FAM89A: variants seen among roughly 807,000 people sequenced by gnomAD.
FAM89A encodes the protein family with sequence similarity 89 member A, also known as protein FAM89A.
FAM89A carries 10 observed loss-of-function variants against 7.1 expected under a neutral mutation model. That is an observed-to-expected ratio of 1.40 (90% confidence interval 0.86 to 2.38). FAM89A has a LOEUF of 2.38. FAM89A is among the 30% of genes most tolerant of loss of function. The pLI, the probability that FAM89A is intolerant of heterozygous loss-of-function variation, is 0.00. For missense variants in FAM89A, 276 were observed against 262.8 expected, an observed-to-expected ratio of 1.05 and a Z score of -0.35; for synonymous variants, 157 against 129.3, an observed-to-expected ratio of 1.21 and a Z score of -1.45.
chr1:231,019,828 G>C lies in FAM89A; in HGVS notation c.*35C>G. ...ATGATGACAGCGTGTCCAGTAGGAA[G>C]GGCTTCCCAACAGTCACATCCCTCC... is the stretch of plus-strand genomic sequence containing the variant. On this transcript the variant is annotated 3_prime_UTR_variant, in exon 2 of 2. Coordinates refer to ENST00000366654, the MANE Select transcript of FAM89A (RefSeq NM_198552.3). The C allele has an allele frequency of 6.3e-7, 1 of 1,596,652 alleles. No individual in the cohort carries two copies. The highest frequency in any genetic ancestry group is 1.1e-5 in the South Asian group (1 of 89,750).
Position 231,040,253 on chromosome 1 carries a change from C to T in FAM89A, c.-42G>A. Reference sequence around the variant, plus strand: ...CACGCGCCTGCCCCGCTGCAGCGAACCAAGGCTTTCCCCCGGCCCGCCCCC... The same window carrying T: ...CACGCGCCTGCCCCGCTGCAGCGAATCAAGGCTTTCCCCCGGCCCGCCCCC... On this transcript the variant is annotated 5_prime_UTR_variant, in exon 1 of 2. Coordinates refer to ENST00000366654, the MANE Select transcript of FAM89A (RefSeq NM_198552.3). 2.9e-6 allele frequency: 3 copies of T among 1,022,976 alleles called. No homozygotes were observed. The highest frequency in any genetic ancestry group is 9.7e-5 in the East Asian group (1 of 10,292). 63.4% of individuals were successfully genotyped at this position (1,022,976 alleles called of 1,614,324 possible).
In FAM89A at chr1:231,019,216, T is replaced by C. The variant is rs1421045818; in HGVS notation, c.*647A>G. On this transcript the variant is annotated 3_prime_UTR_variant, in exon 2 of 2. Coordinates refer to ENST00000366654, the MANE Select transcript of FAM89A (RefSeq NM_198552.3). ...CTATTCAACATGTCTTCGTATTATCTTCCTTCCTCTCGTATCTGATAGACA... is the reference window on the plus strand; with the variant it reads ...CTATTCAACATGTCTTCGTATTATCCTCCTTCCTCTCGTATCTGATAGACA... 1 of 151,818 alleles carries C rather than the reference T, an allele frequency of 6.6e-6. No individual in the cohort carries two copies. Among genetic ancestry groups the C allele is most frequent in the East Asian group, 1.9e-4 (1 of 5,176 alleles). The allele number at this position is 151,818 out of a possible 1,614,324, so 9.4% of individuals were successfully genotyped here. A position where few individuals can be genotyped will look rare whatever the true frequency, so the allele number is the denominator to read the frequency against.
At chr1:231,028,887 G>A (rs1572356244) in intron 1 of FAM89A, among the ~76,000 whole-genome samples, 1 of 152,210 alleles carries the variant, frequency 6.6e-6, no homozygotes, top group African/African-American at 2.4e-5. Flanking sequence ...CCAACAATGG[G>A]GCCAAACAAG....
chr1:231,022,789 C>T (rs1679902877), intron 1 of FAM89A, among the ~76,000 whole-genome samples: 2 of 152,156 alleles, frequency 1.3e-5, no homozygotes, highest in South Asian at 4.1e-4. Flanking sequence ...TGAAAAAGTG[C>T]AATAAAGGCC....
intron 1 of FAM89A, chr1:231,021,816 T>C (rs1679884269): frequency 6.2e-7 from 1 of 1,601,944 alleles, no homozygotes; most frequent in Non-Finnish European, 8.5e-7. Context: ...TCTGTTGTGA[T>C]TGTTGACAAA....
rs993958265 is a variant in FAM89A, at chr1:231,019,764, G to A, written c.*99C>T. On this transcript the variant is annotated 3_prime_UTR_variant, in exon 2 of 2. Transcript: ENST00000366654. ...CGCTCATCCCCTGTGCCCGAGGACCGTCCACAACGGAGGTGCTTTCTTGCA... is the reference window on the plus strand; with the variant it reads ...CGCTCATCCCCTGTGCCCGAGGACCATCCACAACGGAGGTGCTTTCTTGCA... 2.7e-5 allele frequency: 38 copies of A among 1,383,300 alleles called. No homozygotes were observed. Among genetic ancestry groups the A allele is most frequent in the East Asian group, 2.6e-4 (11 of 42,610 alleles). The allele number at this position is 1,383,300 out of a possible 1,614,324, so 85.7% of individuals were successfully genotyped here. A position where few individuals can be genotyped will look rare whatever the true frequency, so the allele number is the denominator to read the frequency against.
chr1:231,039,988 CGG>C lies in FAM89A; in HGVS notation c.222_223del (p.Arg75GlyfsTer69). The C allele has an allele frequency of 7.2e-7, 1 of 1,380,972 alleles. No homozygotes were observed. Among genetic ancestry groups the C allele is most frequent in the East Asian group, 3.1e-5 (1 of 32,488 alleles). The allele number at this position is 1,380,972 out of a possible 1,614,324, so 85.5% of individuals were successfully genotyped here. A position where few individuals can be genotyped will look rare whatever the true frequency, so the allele number is the denominator to read the frequency against. On this transcript the variant is annotated frameshift_variant, in exon 1 of 2. Coordinates refer to ENST00000366654, the MANE Select transcript of FAM89A (RefSeq NM_198552.3). LOFTEE classifies it high-confidence loss of function. ...AGGCTTGGCGGGCAGCGCTGCCGCCCGGGCCCCGCCGCCGCCCGGGCCCCCGC... is the reference window on the plus strand; with the variant it reads ...AGGCTTGGCGGGCAGCGCTGCCGCCCGCCCCGCCGCCGCCCGGGCCCCCGC...
At chr1:231,037,916 T>C (rs1680185501) in intron 1 of FAM89A, among the ~76,000 whole-genome samples, 1 of 152,204 alleles carries the variant, frequency 6.6e-6, no homozygotes, top group East Asian at 1.9e-4. Context: ...CATCTAGTTA[T>C]GTCCCCTGCC....
At chr1:231,031,915 C>T (rs1048061845) in intron 1 of FAM89A, among the ~76,000 whole-genome samples, 6 of 152,136 alleles carry the variant, frequency 3.9e-5, no homozygotes, top group Non-Finnish European at 7.3e-5. Context: ...CTGTAAGGTA[C>T]ACTTGTGAAT....
intron 1 of FAM89A, among the ~76,000 whole-genome samples, chr1:231,032,417 G>A (rs1188531580): frequency 2.6e-5 from 3 of 115,298 alleles, no homozygotes; most frequent in Admixed American, 1.2e-4. Context: ...CAATGCATGA[G>A]AAGGTTTACT....
intron 1 of FAM89A, among the ~76,000 whole-genome samples, chr1:231,020,513 ATTGGCC>A (rs1055004854): frequency 6.6e-6 from 1 of 152,162 alleles, no homozygotes; most frequent in African/African-American, 2.4e-5. Flanking sequence ...GAAGACCCAC[ATTGGCC>A]TTCCCTGCTA....
intron 1 of FAM89A, among the ~76,000 whole-genome samples, chr1:231,024,798 A>G (rs1227401120): frequency 6.6e-6 from 1 of 151,986 alleles, no homozygotes; most frequent in Non-Finnish European, 1.5e-5. Flanking sequence ...TTGGCCTCCC[A>G]AAGTGCTGGT....
intron 1 of FAM89A, chr1:231,021,999 T>C: frequency 7.5e-7 from 1 of 1,336,912 alleles, no homozygotes; most frequent in Non-Finnish European, 1.1e-6. Context: ...TCGGGTACTG[T>C]CGGTTGTCCT....
At position 231,022,202 on chromosome 1, in the gene FAM89A, GGA is replaced by G. The variant is rs551185752; in HGVS notation, c.292-2078_292-2077del. The G allele has an allele frequency of 5.3e-4, 516 of 971,480 alleles. 5 individuals are homozygous for G. The South Asian group carries it at 5.9e-3, about 11-fold the overall frequency. The allele number at this position is 971,480 out of a possible 1,614,324, so 60.2% of individuals were successfully genotyped here. ...TATATGAAGTATTCAGAGACGCCCAGGAGAGACGGATGGACAATCAGGTTCTC... is the reference window on the plus strand; with the variant it reads ...TATATGAAGTATTCAGAGACGCCCAGGAGACGGATGGACAATCAGGTTCTC... On this transcript the variant is annotated intron_variant, in intron 1 of 1. Transcript: ENST00000366654.
At chr1:231,039,638 T>A (rs1197116965) in intron 1 of FAM89A, among the ~76,000 whole-genome samples, 1 of 152,072 alleles carries the variant, frequency 6.6e-6, no homozygotes, top group East Asian at 1.9e-4. Flanking sequence ...CGCACAGCGC[T>A]TCCGGGCGCC....
Position 231,039,911 on chromosome 1 carries a change from C to T in FAM89A, c.291+10G>A, listed in dbSNP as rs1484255316. ...CCGGGAAGAGCCCCAGCTCGCGGAG[C>T]CCCACTCACCATCTCTTTGCGGAGC... On this transcript the variant is annotated intron_variant, in intron 1 of 1. Coordinates refer to ENST00000366654, the MANE Select transcript of FAM89A (RefSeq NM_198552.3). 7.7e-7 allele frequency: 1 copy of T among 1,307,120 alleles called. No individual in the cohort carries two copies. Among genetic ancestry groups the T allele is most frequent in the South Asian group, 2.2e-5 (1 of 46,450 alleles). 81.0% of individuals were successfully genotyped at this position (1,307,120 alleles called of 1,614,324 possible).
At chr1:231,024,520 G>GCA (rs3220109) in intron 1 of FAM89A, among the ~76,000 whole-genome samples, 7,678 of 144,486 alleles carry the variant, frequency 0.053, 281 homozygotes, top group African/African-American at 0.1. Context: ...TACATTGCAT[G>GCA]CACACACACA....
chr1:231,036,417 T>TA (rs1377823767), intron 1 of FAM89A, among the ~76,000 whole-genome samples: 5 of 152,154 alleles, frequency 3.3e-5, no homozygotes, highest in Admixed American at 2.6e-4. Flanking sequence ...TTCTCTGATG[T>TA]AAAAATCATC....
chr1:231,022,118 G>A (rs116490774), intron 1 of FAM89A: 31,534 of 1,276,432 alleles, frequency 0.025, 840 homozygotes, highest in African/African-American at 0.12. Flanking sequence ...CCTGAAGAAC[G>A]CTAATACTTG....
Sources: gnomAD v4.1 joint callset for allele counts (sites outside exome capture counted in the v4.1 genomes callset) on GRCh38, gnomAD v4.1.1 for gene constraint, MANE v1.5 for transcripts, NCBI Gene and HGNC (gene_info 2026-07-23, HGNC 2026-07-21) for gene names.